Variants in SLC6A2 observed in about 807,000 individuals in gnomAD.
SLC6A2 encodes the protein solute carrier family 6 member 2.
SLC6A2 carries 26 observed loss-of-function variants against 71.7 expected under a neutral mutation model. The observed-to-expected ratio is 0.36, with a 90% CI of 0.27 to 0.50. The LOEUF (loss-of-function observed/expected upper bound fraction) is 0.50, where lower values mean the gene tolerates loss of function less well. Among genes scored for constraint, SLC6A2 ranks in the 20% least tolerant of loss-of-function variants. The pLI is 0.96. For missense variants in SLC6A2, 581 were observed against 803.9 expected (o/e 0.72, Z 3.35); for synonymous variants, 363 against 337.9 (o/e 1.07, Z -0.82).
intron 6 of SLC6A2, among the ~76,000 whole-genome samples, 160 bp downstream of exon 6, chr16:55,692,212 A>G (rs1965656232): frequency 6.6e-6 from 1 of 152,148 alleles, no homozygotes; most frequent in Non-Finnish European, 1.5e-5. Context: ...CATCTGACCA[A>G]TGCGGATTTG....
rs1965906805 is a variant in SLC6A2, at chr16:55,699,584, A to G, written c.1520A>G (p.Gln507Arg). ...GVDRFSNDIQQMMGFRPGLYW... is the reference protein window; with the variant it reads ...GVDRFSNDIQRMMGFRPGLYW... Reference sequence around the variant, plus strand: ...GACAGGTTCAGCAACGACATCCAGCAGATGATGGGGTTCAGGCCGGGTCTA... The same window carrying G: ...GACAGGTTCAGCAACGACATCCAGCGGATGATGGGGTTCAGGCCGGGTCTA... Residue 507 changes from glutamine (Q) to arginine (R), a missense_variant, in exon 12 of 15, where the codon CAG becomes CGG. This residue lies in a region of SLC6A2 where 334 missense variants were observed against 449.0 expected (regional missense o/e 0.74). Transcript: ENST00000568943. 6.2e-7 allele frequency: 1 copy of G among 1,614,158 alleles called. No individual in the cohort carries two copies. The highest frequency in any genetic ancestry group is 8.5e-7 in the Non-Finnish European group (1 of 1,179,990).
In SLC6A2 at chr16:55,705,506, C is replaced by G; in HGVS notation, c.*3160C>G. 2.1e-6 allele frequency: 1 copy of G among 470,214 alleles called. No homozygotes were observed. Among genetic ancestry groups the G allele is most frequent in the Non-Finnish European group, 3.8e-6 (1 of 266,212 alleles). 29.1% of individuals were successfully genotyped at this position (470,214 alleles called of 1,614,324 possible). ...GGTGTGTAGTGTGGCGGAAAAAGCA[C>G]AGCATATAGTTTTACAGACTTGGGT... On this transcript the variant is annotated 3_prime_UTR_variant, in exon 15 of 15. Transcript: ENST00000568943.
chr16:55,670,446 T>A (rs887135324), intron 3 of SLC6A2, among the ~76,000 whole-genome samples: 3 of 152,216 alleles, frequency 2.0e-5, no homozygotes, highest in Non-Finnish European at 4.4e-5. Context: ...GAAATTCAAC[T>A]CAAACTGGCT....
Position 55,656,772 on chromosome 16 carries a change from G to A in SLC6A2, c.78G>A (p.Arg26=). ...ACACGGGTCCAGAGCAGCCCCTTCGGGCGCGCAAAACTGCGGAGCTGCTGG... is the reference window on the plus strand; with the variant it reads ...ACACGGGTCCAGAGCAGCCCCTTCGAGCGCGCAAAACTGCGGAGCTGCTGG... ...GADTGPEQPL[R]ARKTAELLVV... is the part of the protein sequence containing the mutation. The change falls in exon 2 of 15, where the codon CGG becomes CGA. Residue 26 remains arginine, a synonymous_variant. Transcript: ENST00000568943. The surrounding 1 kb of genome is among the most constrained non-coding windows in gnomAD (Gnocchi z 4.5). 1 of 1,613,312 alleles carries A rather than the reference G, an allele frequency of 6.2e-7. No individual in the cohort carries two copies. Among genetic ancestry groups the A allele is most frequent in the Non-Finnish European group, 8.5e-7 (1 of 1,179,822 alleles).
At chr16:55,678,860 T>C (rs1965178928) in intron 4 of SLC6A2, among the ~76,000 whole-genome samples, 1 of 152,194 alleles carries the variant, frequency 6.6e-6, no homozygotes, top group African/African-American at 2.4e-5. Context: ...ACCCCAAGGT[T>C]TGGGCCTGCT....
chr16:55,657,934 G>A (rs1964505010), intron 2 of SLC6A2, among the ~76,000 whole-genome samples: 1 of 110,800 alleles, frequency 9.0e-6, no homozygotes, highest in Admixed American at 9.7e-5. Context: ...TTGCTGGGAT[G>A]AGCTCAGAGG....
At chr16:55,660,697 T>C (rs1964587619) in intron 2 of SLC6A2, among the ~76,000 whole-genome samples, 1 of 152,054 alleles carries the variant, frequency 6.6e-6, no homozygotes, top group Non-Finnish European at 1.5e-5. Flanking sequence ...CAGCCATAGG[T>C]GAACATGACC....
At chr16:55,665,244 A>G (rs1164141774) in intron 2 of SLC6A2, among the ~76,000 whole-genome samples, 4 of 152,178 alleles carry the variant, frequency 2.6e-5, no homozygotes. Context: ...AAGACAGAAC[A>G]TGTTTTATTT....
chr16:55,671,978 C>T lies in SLC6A2; in HGVS notation c.447C>T (p.Gly149=), dbSNP rs1487081256. The change falls in exon 4 of 15, where the codon GGC becomes GGT. Residue 149 remains glycine, a synonymous_variant. Coordinates refer to ENST00000568943, the MANE Select transcript of SLC6A2 (RefSeq NM_001172501.3). ...YAVILIALYV[G]FYYNVIIAWS... Reference sequence around the variant, plus strand: ...TCATCCTGATCGCCCTGTACGTTGGCTTCTACTACAACGTCATCATCGCCT... The same window carrying T: ...TCATCCTGATCGCCCTGTACGTTGGTTTCTACTACAACGTCATCATCGCCT... 6.2e-6 allele frequency: 10 copies of T among 1,614,042 alleles called. 1 individual carries two copies. In the South Asian group the frequency reaches 6.6e-5, roughly 11 times the overall value.
rs2142639288 is a variant in SLC6A2, at chr16:55,701,907, G to A, written c.1803G>A (p.Val601=). The A allele has an allele frequency of 1.9e-6, 3 of 1,614,072 alleles. No homozygotes were observed. Among genetic ancestry groups the A allele is most frequent in the Middle Eastern group, 3.3e-4 (2 of 6,062 alleles). The part of the protein sequence containing the change: ...GITPENEHHL[V]AQRDIRQFQL... ...CGCCAGAGAACGAGCACCACCTGGTGGCTCAGAGGGACATCAGACAGTTCC... is the reference window on the plus strand; with the variant it reads ...CGCCAGAGAACGAGCACCACCTGGTAGCTCAGAGGGACATCAGACAGTTCC... Residue 601 remains valine, a synonymous_variant, in exon 14 of 15, where the codon GTG becomes GTA. Transcript: ENST00000568943.
At chr16:55,685,328 G>C in intron 5 of SLC6A2, 47 bp downstream of exon 5, 1 of 1,583,832 alleles carries the variant, frequency 6.3e-7, no homozygotes, top group Non-Finnish European at 8.7e-7. Context: ...GATCAACCTT[G>C]GGGGGTGTGA....
In SLC6A2 at chr16:55,702,878, C is replaced by T; in HGVS notation, c.*532C>T. ...CAGCCCTCTCATGTCTGAACCTCAG[C>T]CTGGGAGTTAGATTTATTTGTCTCT... On this transcript the variant is annotated 3_prime_UTR_variant, in exon 15 of 15. Coordinates refer to ENST00000568943, the MANE Select transcript of SLC6A2 (RefSeq NM_001172501.3). 7 of 990,730 alleles carry T rather than the reference C, an allele frequency of 7.1e-6. No individual in the cohort carries two copies. The highest frequency in any genetic ancestry group is 7.2e-6 in the Non-Finnish European group (6 of 833,086). The allele number at this position is 990,730 out of a possible 1,614,324, so 61.4% of individuals were successfully genotyped here.
At position 55,704,691 on chromosome 16, in the gene SLC6A2, G is replaced by A. The variant is rs978932019; in HGVS notation, c.*2345G>A. The A allele has an allele frequency of 6.6e-6, 1 of 152,572 alleles. No individual in the cohort carries two copies. 9.5% of individuals were successfully genotyped at this position (152,572 alleles called of 1,614,324 possible). A position where few individuals can be genotyped will look rare whatever the true frequency, so the allele number is the denominator to read the frequency against. On this transcript the variant is annotated 3_prime_UTR_variant, in exon 15 of 15. Coordinates refer to ENST00000568943, the MANE Select transcript of SLC6A2 (RefSeq NM_001172501.3). ...TGCATTAGAGCAGGGTCGTGCTTCC[G>A]AGAGAGCCTGCCATTTCCTCTTTGC...
At chr16:55,660,009 T>C (rs1284758608) in intron 2 of SLC6A2, among the ~76,000 whole-genome samples, 2 of 152,146 alleles carry the variant, frequency 1.3e-5, no homozygotes, top group Non-Finnish European at 2.9e-5. Flanking sequence ...GTCATTATGA[T>C]GATGTATGAA....
rs1966006735 is a variant in SLC6A2, at chr16:55,702,603, G to A, written c.*257G>A. On this transcript the variant is annotated 3_prime_UTR_variant, in exon 15 of 15. Transcript: ENST00000568943. ...TTCTGTTCTGTCCCCGCTGTTTTGGGGGAAGTCTCTCCCACTTTGGGATCC... is the reference window on the plus strand; with the variant it reads ...TTCTGTTCTGTCCCCGCTGTTTTGGAGGAAGTCTCTCCCACTTTGGGATCC... The A allele has an allele frequency of 2.8e-6, 4 of 1,405,170 alleles. No individual in the cohort carries two copies. The highest frequency in any genetic ancestry group is 3.7e-6 in the Non-Finnish European group (4 of 1,080,564). The allele number at this position is 1,405,170 out of a possible 1,614,324, so 87.0% of individuals were successfully genotyped here.
At chr16:55,669,169 G>T (rs777438586) in intron 2 of SLC6A2, among the ~76,000 whole-genome samples, 9 of 152,082 alleles carry the variant, frequency 5.9e-5, no homozygotes, top group Non-Finnish European at 1.2e-4. Context: ...GAAGGGTTTG[G>T]GTTAGATTGG....
chr16:55,695,110 C>T lies in SLC6A2; in HGVS notation c.1023-168C>T, dbSNP rs547225056. The stretch of plus-strand genomic sequence containing the variant: ...CATCCATAAGCAGTTAGCCTACTTC[C>T]TGCACCAGTGATGGTGAGGCCCTGT... On this transcript the variant is annotated intron_variant, in intron 7 of 14. Transcript: ENST00000568943. Among the ~76,000 whole-genome samples the T allele has an allele frequency of 1.1e-3, 166 of 152,290 alleles. 1 individual carries two copies. Among genetic ancestry groups the T allele is most frequent in the African/African-American group, 3.7e-3 (153 of 41,552 alleles).
At chr16:55,693,651 G>A (rs9932801) in intron 6 of SLC6A2, among the ~76,000 whole-genome samples, 2,152 of 152,308 alleles carry the variant, frequency 0.014, 49 homozygotes, top group African/African-American at 0.049. Context: ...TGCCATCTCC[G>A]TAACTCCTAA....
Position 55,656,928 on chromosome 16 carries a change from C to A in SLC6A2, c.234C>A (p.Asn78Lys), listed in dbSNP as rs1275882571. The A allele has an allele frequency of 6.2e-7, 1 of 1,613,924 alleles. No homozygotes were observed. Among genetic ancestry groups the A allele is most frequent in the Non-Finnish European group, 8.5e-7 (1 of 1,179,888 alleles). The change falls in exon 2 of 15, where the codon AAC becomes AAA. Residue 78 changes from asparagine (N) to lysine (K), a missense_variant. Coordinates refer to ENST00000568943, the MANE Select transcript of SLC6A2 (RefSeq NM_001172501.3). This position sits in a 1 kb window ranked among gnomAD's most constrained non-coding sequence, Gnocchi z 4.5. ...SVVGFAVDLA[N>K]VWRFPYLCYK... Reference sequence around the variant, plus strand: ...TCGGCTTCGCAGTGGACCTGGCCAACGTGTGGCGCTTCCCCTACCTCTGCT... The same window carrying A: ...TCGGCTTCGCAGTGGACCTGGCCAAAGTGTGGCGCTTCCCCTACCTCTGCT...
Sources: gnomAD v4.1 joint callset for allele counts (sites outside exome capture counted in the v4.1 genomes callset) on GRCh38, gnomAD v4.1.1 for gene constraint, gnomAD v4.1.1 regional missense constraint, Gnocchi (gnomAD v3.1) non-coding constraint, MANE v1.5 for transcripts, NCBI Gene and HGNC (gene_info 2026-07-23, HGNC 2026-07-21) for gene names.